SMTNL2: variants seen among roughly 807,000 people sequenced by gnomAD.
SMTNL2 encodes the protein smoothelin like 2.
A neutral mutation model predicts 44.1 loss-of-function variants in SMTNL2; 43 were observed. That is an observed-to-expected ratio of 0.98 (90% CI 0.76 to 1.26). The LOEUF (loss-of-function observed/expected upper bound fraction) is 1.26, where lower values mean the gene tolerates loss of function less well. SMTNL2 is among the 50% of genes most tolerant of loss of function. SMTNL2 has a pLI of 0.00. For missense variants in SMTNL2, 646 were observed against 670.2 expected (o/e 0.96, Z 0.40); for synonymous variants, 317 against 287.6 (o/e 1.10, Z -1.03).
chr17:4,596,978 G>A lies in SMTNL2; in HGVS notation c.1107+1G>A. On this transcript the variant is annotated splice_donor_variant, in intron 6 of 7. Transcript: ENST00000389313. LOFTEE classifies it high-confidence loss of function. ...CCGCAGCAAGACGCTGGGCTACCAGGTGAGCCCCGGCTCCCCTCCGGCTGC... is the reference window on the plus strand; with the variant it reads ...CCGCAGCAAGACGCTGGGCTACCAGATGAGCCCCGGCTCCCCTCCGGCTGC... The A allele has an allele frequency of 1.3e-6, 2 of 1,501,750 alleles. No individual in the cohort carries two copies. Among genetic ancestry groups the A allele is most frequent in the Admixed American group, 4.4e-5 (2 of 45,726 alleles). 93.0% of individuals were successfully genotyped at this position (1,501,750 alleles called of 1,614,324 possible). A position where few individuals can be genotyped will look rare whatever the true frequency, so the allele number is the denominator to read the frequency against.
At position 4,595,467 on chromosome 17, in the gene SMTNL2, A is replaced by G; in HGVS notation, c.989+140A>G. ...TTGCCCAGGACAAGATCTCTTGGGC[A>G]AGGCACAAAGTTAGGGCTGGGCCAC... is the stretch of plus-strand genomic sequence containing the variant. On this transcript the variant is annotated intron_variant, in intron 5 of 7. Coordinates refer to ENST00000389313, the MANE Select transcript of SMTNL2 (RefSeq NM_001114974.2). The surrounding 1 kb of genome is among the most constrained non-coding windows in gnomAD (Gnocchi z 5.1). The G allele has an allele frequency of 7.9e-7, 1 of 1,270,724 alleles. No individual in the cohort carries two copies. The highest frequency in any genetic ancestry group is 1.1e-6 in the Non-Finnish European group (1 of 933,174). 78.7% of individuals were successfully genotyped at this position (1,270,724 alleles called of 1,614,324 possible).
chr17:4,585,548 T>C (rs899447), intron 1 of SMTNL2, among the ~76,000 whole-genome samples: 146,313 of 152,278 alleles, frequency 0.96, 70,423 homozygotes, highest in East Asian at 1. Context: ...TCGCAGGGGG[T>C]AAATCCCTTA....
chr17:4,584,926 G>T lies in SMTNL2; in HGVS notation c.321G>T (p.Gly107=). 2 of 1,304,880 alleles carry T rather than the reference G, an allele frequency of 1.5e-6. No homozygotes were observed. The highest frequency in any genetic ancestry group is 6.5e-5 in the East Asian group (2 of 31,004). The allele number at this position is 1,304,880 out of a possible 1,614,324, so 80.8% of individuals were successfully genotyped here. A position where few individuals can be genotyped will look rare whatever the true frequency, so the allele number is the denominator to read the frequency against. ...PGTPSPPPAP[G]VPDRAPRLGS... is the part of the protein sequence containing the mutation. ...CGCCCAGCCCCCCGCCCGCGCCCGG[G>T]GTTCCCGACCGCGCGCCCCGCCTGG... Residue 107 remains glycine, a synonymous_variant, in exon 1 of 8, where the codon GGG becomes GGT. Coordinates refer to ENST00000389313, the MANE Select transcript of SMTNL2 (RefSeq NM_001114974.2).
At chr17:4,584,462 C>T, upstream of SMTNL2, 2 of 939,122 alleles carry the variant, frequency 2.1e-6, no homozygotes, top group Non-Finnish European at 2.7e-6. Flanking sequence ...CCCGGCTCCG[C>T]CCCCGAGGCC....
chr17:4,592,670 T>A lies in SMTNL2; in HGVS notation c.487+222T>A, dbSNP rs74915875. Among the ~76,000 whole-genome samples, 596 of 152,210 alleles carry A rather than the reference T, an allele frequency of 3.9e-3. 15 individuals are homozygous for A. In the East Asian group the frequency reaches 0.062, roughly 16 times the overall value. On this transcript the variant is annotated intron_variant, in intron 2 of 7. Transcript: ENST00000389313. The surrounding 1 kb of genome is among the most constrained non-coding windows in gnomAD (Gnocchi z 4.5). ...TCAGGAGGTAGTGAGCTCTCCTGTT[T>A]CTAGAGGAAAGCAAATAGAGGCTGA...
chr17:4,589,167 G>C (rs1029452479), intron 1 of SMTNL2, among the ~76,000 whole-genome samples: 1 of 152,148 alleles, frequency 6.6e-6, no homozygotes, highest in African/African-American at 2.4e-5. Flanking sequence ...CTGGTGTAGC[G>C]CCTGGTCCCC....
intron 7 of SMTNL2, among the ~76,000 whole-genome samples, chr17:4,599,842 C>T (rs1021083906): frequency 1.3e-5 from 2 of 152,160 alleles, no homozygotes; most frequent in African/African-American, 4.8e-5. Context: ...GAGGCAGCGG[C>T]GGAGGCTGGT....
chr17:4,585,667 G>A (rs978071771), intron 1 of SMTNL2, among the ~76,000 whole-genome samples: 2 of 152,262 alleles, frequency 1.3e-5, no homozygotes, highest in African/African-American at 2.4e-5. Flanking sequence ...GGCCGACGTG[G>A]ACCAGTCACT....
At position 4,598,678 on chromosome 17, in the gene SMTNL2, G is replaced by A. The variant is rs1005497957; in HGVS notation, c.1259+1355G>A. Among the ~76,000 whole-genome samples the A allele has an allele frequency of 6.6e-6, 1 of 152,174 alleles. No homozygotes were observed. Among genetic ancestry groups the A allele is most frequent in the Non-Finnish European group, 1.5e-5 (1 of 68,020 alleles). On this transcript the variant is annotated intron_variant, in intron 7 of 7. Coordinates refer to ENST00000389313, the MANE Select transcript of SMTNL2 (RefSeq NM_001114974.2). The surrounding 1 kb of genome is among the most constrained non-coding windows in gnomAD (Gnocchi z 4.8). ...GTCTCTACTAAAATACAAAAAATTAGCCAGGCATGGTGGCAGGCGCCTGGA... is the reference window on the plus strand; with the variant it reads ...GTCTCTACTAAAATACAAAAAATTAACCAGGCATGGTGGCAGGCGCCTGGA...
intron 4 of SMTNL2, 131 bp downstream of exon 4, chr17:4,594,028 A>G (rs55888731): frequency 1.2e-6 from 1 of 868,574 alleles, no homozygotes; most frequent in East Asian, 2.6e-5. Flanking sequence ...TCTCGGGAGC[A>G]CTGGGCGGCA....
Position 4,592,361 on chromosome 17 carries a change from A to C in SMTNL2, c.400A>C (p.Ser134Arg), listed in dbSNP as rs1039501863. The C allele has an allele frequency of 1.2e-6, 2 of 1,613,330 alleles. No homozygotes were observed. The highest frequency in any genetic ancestry group is 3.3e-5 in the Admixed American group (2 of 59,994). Residue 134 changes from serine to arginine, a missense_variant and splice_region_variant, in exon 2 of 8, where the codon AGT becomes CGT. Physicochemically the swap from Ser to Arg is moderately radical, Grantham distance 110. Transcript: ENST00000389313. The surrounding 1 kb of genome is among the most constrained non-coding windows in gnomAD (Gnocchi z 4.5). ...ATFSLSGRGQSLDHDEASESE... is the reference protein window; with the variant it reads ...ATFSLSGRGQRLDHDEASESE... ...CTCGGTGACATTTGTGTCTCTGTAG[A>C]GTTTGGATCACGATGAGGCCAGTGA...
At chr17:4,596,070 CGCGTGGT>C (rs1909796020) in intron 5 of SMTNL2, among the ~76,000 whole-genome samples, 1 of 82,036 alleles carries the variant, frequency 1.2e-5, no homozygotes, top group Non-Finnish European at 2.6e-5. Context: ...GTGTGGCCCA[CGCGTGGT>C]ATTGATGCCT....
At chr17:4,599,588 G>A (rs80154605) in intron 7 of SMTNL2, among the ~76,000 whole-genome samples, 1 of 152,204 alleles carries the variant, frequency 6.6e-6, no homozygotes, top group South Asian at 2.1e-4. Context: ...AGTGATGCCC[G>A]CTTATGCCCT....
Position 4,592,518 on chromosome 17 carries a change from T to C in SMTNL2, c.487+70T>C, listed in dbSNP as rs1909622569. On this transcript the variant is annotated intron_variant, in intron 2 of 7. Transcript: ENST00000389313. The surrounding 1 kb of genome is among the most constrained non-coding windows in gnomAD (Gnocchi z 4.5). ...TTAAGTAAGGCCTTGGTCAGGTATC[T>C]GTGCCAGGCTGGCCCTTGGCCTGGC... is the stretch of plus-strand genomic sequence containing the variant. 1 of 1,451,344 alleles carries C rather than the reference T, an allele frequency of 6.9e-7. No individual in the cohort carries two copies. Among genetic ancestry groups the C allele is most frequent in the Non-Finnish European group, 9.4e-7 (1 of 1,063,338 alleles). 89.9% of individuals were successfully genotyped at this position (1,451,344 alleles called of 1,614,324 possible).
Position 4,607,239 on chromosome 17 carries a change from T to A in SMTNL2, c.1260-122T>A. ...GTTATCTGAATTCCCCGCTGGTGGG[T>A]CCTTGGGAACCTCTGGCTGCCGGCT... On this transcript the variant is annotated intron_variant, in intron 7 of 7. Coordinates refer to ENST00000389313, the MANE Select transcript of SMTNL2 (RefSeq NM_001114974.2). This position sits in a 1 kb window ranked among gnomAD's most constrained non-coding sequence, Gnocchi z 4.7. The A allele has an allele frequency of 6.7e-7, 1 of 1,494,052 alleles. No homozygotes were observed. The highest frequency in any genetic ancestry group is 9.1e-7 in the Non-Finnish European group (1 of 1,100,588). The allele number at this position is 1,494,052 out of a possible 1,614,324, so 92.5% of individuals were successfully genotyped here.
intron 1 of SMTNL2, among the ~76,000 whole-genome samples, chr17:4,590,791 T>C (rs1909541009): frequency 6.6e-6 from 1 of 152,038 alleles, no homozygotes; most frequent in African/African-American, 2.4e-5. Context: ...TGCCATCTGG[T>C]CTCCACTCTC....
rs1208161975 is a variant in SMTNL2, at chr17:4,593,882, G to A, written c.791G>A (p.Ser264Asn). 1.9e-6 allele frequency: 3 copies of A among 1,614,064 alleles called. No individual in the cohort carries two copies. Among genetic ancestry groups the A allele is most frequent in the Non-Finnish European group, 2.5e-6 (3 of 1,179,996 alleles). ...PSSGYGAVTA[S>N]KHSNSPPLVT... ...TCTGGCTATGGGGCAGTGACAGCAA[G>A]CAAACACAGCAATAGGTGAGTCAGG... Residue 264 changes from serine (S) to asparagine (N), a missense_variant, in exon 4 of 8, where the codon AGC becomes AAC. Physicochemically the swap from Ser to Asn is conservative, Grantham distance 46. Transcript: ENST00000389313.
In SMTNL2 at chr17:4,599,758, C is replaced by T. The variant is rs1474114635; in HGVS notation, c.1259+2435C>T. Among the ~76,000 whole-genome samples, 12 of 152,200 alleles carry T rather than the reference C, an allele frequency of 7.9e-5. No individual in the cohort carries two copies. In the East Asian group the frequency reaches 1.9e-3, roughly 24 times the overall value. Reference sequence around the variant, plus strand: ...GATTCCGGGCTGTGCTTCCCCAGCACGAGGTTTGAGTTCAGGGAGCTTCTA... The same window carrying T: ...GATTCCGGGCTGTGCTTCCCCAGCATGAGGTTTGAGTTCAGGGAGCTTCTA... On this transcript the variant is annotated intron_variant, in intron 7 of 7. Coordinates refer to ENST00000389313, the MANE Select transcript of SMTNL2 (RefSeq NM_001114974.2).
At position 4,607,704 on chromosome 17, in the gene SMTNL2, C is replaced by A; in HGVS notation, c.*217C>A. 1 of 612,822 alleles carries A rather than the reference C, an allele frequency of 1.6e-6. No individual in the cohort carries two copies. The allele number at this position is 612,822 out of a possible 1,614,324, so 38.0% of individuals were successfully genotyped here. A position where few individuals can be genotyped will look rare whatever the true frequency, so the allele number is the denominator to read the frequency against. On this transcript the variant is annotated 3_prime_UTR_variant, in exon 8 of 8. Coordinates refer to ENST00000389313, the MANE Select transcript of SMTNL2 (RefSeq NM_001114974.2). The surrounding 1 kb of genome is among the most constrained non-coding windows in gnomAD (Gnocchi z 4.7). ...CGACAGCACTGATCACAGCCAAGGG[C>A]TTGGAGGAAAAGGAAAAATTATGAG...
Sources: allele counts gnomAD v4.1 joint callset (sites outside exome capture counted in the v4.1 genomes callset), GRCh38; gene constraint gnomAD v4.1.1; non-coding constraint Gnocchi (gnomAD v3.1); transcripts MANE v1.5; gene names NCBI Gene and HGNC (gene_info 2026-07-23, HGNC 2026-07-21).